Variants in KITLG observed in about 807,000 individuals in gnomAD.
KITLG encodes the protein c-Kit ligand.
A neutral mutation model predicts 34.1 loss-of-function variants in KITLG; 13 were observed. That is an observed-to-expected ratio of 0.38 (90% CI 0.25 to 0.61). The LOEUF is 0.61. Ranked by LOEUF, KITLG falls within the 20% of genes least tolerant of loss-of-function variation. The pLI, the probability that KITLG is intolerant of heterozygous loss-of-function variation, is 0.60. For synonymous variants in KITLG, 110 were observed against 104.0 expected (o/e 1.06, Z -0.35); for missense variants, 292 against 318.9 (o/e 0.92, Z 0.64).
intron 1 of KITLG, chr12:88,564,458 G>C (rs1281958579): frequency 6.6e-6 from 1 of 152,198 alleles, no homozygotes; most frequent in Non-Finnish European, 1.5e-5. Context: ...GAAATGAAGA[G>C]AGGGACTCGT....
intron 1 of KITLG, among the ~76,000 whole-genome samples, chr12:88,566,467 A>G (rs767655307): frequency 5.9e-5 from 9 of 152,228 alleles, no homozygotes; most frequent in Non-Finnish European, 1.2e-4. Flanking sequence ...ATGCTACAGG[A>G]GCTCAGGGTA....
At chr12:88,544,528 T>TC (rs970958512) in intron 2 of KITLG, among the ~76,000 whole-genome samples, 9 of 150,038 alleles carry the variant, frequency 6.0e-5, no homozygotes, top group Non-Finnish European at 5.9e-5. Context: ...AAAAAAGTAC[T>TC]CCCCCCTCAC....
At chr12:88,526,765 G>C (rs961488168) in intron 3 of KITLG, among the ~76,000 whole-genome samples, 6 of 151,648 alleles carry the variant, frequency 4.0e-5, no homozygotes, top group Non-Finnish European at 2.9e-5. Context: ...TCCAGGAATA[G>C]AGAAAGCCAG....
intron 2 of KITLG, among the ~76,000 whole-genome samples, chr12:88,541,237 C>G (rs148905329): frequency 1.1e-3 from 175 of 152,200 alleles, no homozygotes; most frequent in Non-Finnish European, 2.1e-3. Context: ...GTGCCTATCA[C>G]AAGACCAGGA....
intron 1 of KITLG, among the ~76,000 whole-genome samples, chr12:88,574,485 C>T (rs935393437): frequency 6.6e-6 from 1 of 152,142 alleles, no homozygotes; most frequent in African/African-American, 2.4e-5. Context: ...CCTCTTTCCA[C>T]CTCCGTGTCT....
At chr12:88,505,384 A>G (rs541713443) in intron 8 of KITLG, 149 bp from the exon 9 acceptor site, 16 of 669,390 alleles carry the variant, frequency 2.4e-5, no homozygotes, top group South Asian at 1.8e-4. Flanking sequence ...TCTTATTACT[A>G]TAGGGAAGAG....
At chr12:88,543,732 C>A (rs1016231286) in intron 2 of KITLG, among the ~76,000 whole-genome samples, 1 of 152,166 alleles carries the variant, frequency 6.6e-6, no homozygotes, top group South Asian at 2.1e-4. Context: ...ATTTAGCCAA[C>A]AACTGACTTA....
chr12:88,509,825 T>C (rs7297424), intron 6 of KITLG, among the ~76,000 whole-genome samples: 3,645 of 152,272 alleles, frequency 0.024, 143 homozygotes, highest in African/African-American at 0.083. Flanking sequence ...GAGATTTGCT[T>C]ATACCTCCAG....
chr12:88,579,987 G>A, intron 1 of KITLG: 1 of 584,222 alleles, frequency 1.7e-6, no homozygotes. Context: ...CACCAGACGG[G>A]AATTACGGTT....
At chr12:88,526,337 A>G (rs2120864779) in intron 3 of KITLG, among the ~76,000 whole-genome samples, 1 of 152,312 alleles carries the variant, frequency 6.6e-6, no homozygotes, top group East Asian at 1.9e-4. Context: ...AAAGAAGATA[A>G]TAACGTTGCA....
At chr12:88,514,157 G>T (rs1869377285) in intron 6 of KITLG, among the ~76,000 whole-genome samples, 1 of 151,606 alleles carries the variant, frequency 6.6e-6, no homozygotes, top group Admixed American at 6.6e-5. Context: ...ACACAAAAAT[G>T]TGTGAGGTGC....
Position 88,496,703 on chromosome 12 carries a change from C to T in KITLG, c.*516G>A, listed in dbSNP as rs576807049. The stretch of plus-strand genomic sequence containing the variant: ...ATCACAGTTCCCACTGCTTTCTACA[C>T]TGTACAGTGGCTGACACTACTGAGT... On this transcript the variant is annotated 3_prime_UTR_variant, in exon 10 of 10. Transcript: ENST00000644744. 5 of 153,008 alleles carry T rather than the reference C, an allele frequency of 3.3e-5. No homozygotes were observed. The highest frequency in any genetic ancestry group is 1.2e-4 in the African/African-American group (5 of 41,578). 9.5% of individuals were successfully genotyped at this position (153,008 alleles called of 1,614,324 possible). A position where few individuals can be genotyped will look rare whatever the true frequency, so the allele number is the denominator to read the frequency against.
chr12:88,537,680 A>C (rs1870378267), intron 2 of KITLG, among the ~76,000 whole-genome samples: 1 of 152,148 alleles, frequency 6.6e-6, no homozygotes, highest in African/African-American at 2.4e-5. Flanking sequence ...AATCTGAAAA[A>C]AAAAAATGAA....
At chr12:88,531,592 C>T (rs1870093493) in intron 3 of KITLG, among the ~76,000 whole-genome samples, 1 of 151,876 alleles carries the variant, frequency 6.6e-6, no homozygotes, top group African/African-American at 2.4e-5. Context: ...TAATAGTAAA[C>T]ACATACACTT....
chr12:88,510,564 G>A (rs1166703095), intron 6 of KITLG, among the ~76,000 whole-genome samples: 2 of 152,070 alleles, frequency 1.3e-5, no homozygotes, highest in Admixed American at 1.3e-4. Context: ...GTCAAAGTTA[G>A]GATTTCTTTC....
chr12:88,540,500 C>G (rs906880924), intron 2 of KITLG, among the ~76,000 whole-genome samples: 1 of 152,044 alleles, frequency 6.6e-6, no homozygotes, highest in African/African-American at 2.4e-5. Flanking sequence ...AACTATTGTT[C>G]TAAAAAACCA....
chr12:88,559,390 A>G (rs943592330), intron 1 of KITLG, among the ~76,000 whole-genome samples: 4 of 152,214 alleles, frequency 2.6e-5, no homozygotes, highest in Non-Finnish European at 5.9e-5. Context: ...CAGCAGTAAC[A>G]GCTTTCTGCA....
rs1868577985 is a variant in KITLG at position 88,495,106 on chromosome 12, A to C, written c.*2113T>G. 1 of 152,030 alleles carries C rather than the reference A, an allele frequency of 6.6e-6. No homozygotes were observed. The highest frequency in any genetic ancestry group is 2.1e-4 in the South Asian group (1 of 4,832). 9.4% of individuals were successfully genotyped at this position (152,030 alleles called of 1,614,324 possible). A position where few individuals can be genotyped will look rare whatever the true frequency, so the allele number is the denominator to read the frequency against. On this transcript the variant is annotated 3_prime_UTR_variant, in exon 10 of 10. Coordinates refer to ENST00000644744, the MANE Select transcript of KITLG (RefSeq NM_000899.5). ...CCATGTCAGATTTAATAACTTGCTG[A>C]ATTTGTTTATTTAACTCCATTGATT...
intron 3 of KITLG, among the ~76,000 whole-genome samples, chr12:88,529,029 A>G (rs1172685689): frequency 6.6e-6 from 1 of 152,210 alleles, no homozygotes; most frequent in African/African-American, 2.4e-5. Flanking sequence ...AAGAAATTGT[A>G]AAGTTGAGCT....
Sources: allele counts gnomAD v4.1 joint callset (sites outside exome capture counted in the v4.1 genomes callset), GRCh38; gene constraint gnomAD v4.1.1; transcripts MANE v1.5; gene names NCBI Gene and HGNC (gene_info 2026-07-23, HGNC 2026-07-21).